Variants in TRPV1 observed in about 807,000 individuals in gnomAD.
TRPV1 encodes the protein OTRPC1.
A neutral mutation model predicts 82.3 loss-of-function variants in TRPV1; 82 were observed. That is an observed-to-expected ratio of 1.00 (90% CI 0.83 to 1.20). The LOEUF (loss-of-function observed/expected upper bound fraction) is 1.20, where lower values mean the gene tolerates loss of function less well. TRPV1 is among the 50% of genes most tolerant of loss of function. The pLI, the probability that TRPV1 is intolerant of heterozygous loss-of-function variation, is 0.00. For missense variants in TRPV1, 1,067 were observed against 1,096.8 expected, an observed-to-expected ratio of 0.97 and a Z score of 0.38; for synonymous variants, 515 against 467.7, an observed-to-expected ratio of 1.10 and a Z score of -1.30.
At position 3,589,985 on chromosome 17, in the gene TRPV1, A is replaced by G; in HGVS notation, c.866T>C (p.Leu289Pro). ...GTCGGCCACCTCCACCAGGGCGTGC[A>G]GCACCGTGTTGCCCACCGAGTCCCT... ...SARDSVGNTV[L>P]HALVEVADNT... Residue 289 changes from leucine (L) to proline (P), a missense_variant, in exon 7 of 17, where the codon CTG (leucine) becomes CCG (proline). Physicochemically the swap from Leu to Pro is moderately conservative, Grantham distance 98. Transcript: ENST00000572705. 1 of 1,560,954 alleles carries G rather than the reference A, an allele frequency of 6.4e-7. No individual in the cohort carries two copies. Among genetic ancestry groups the G allele is most frequent in the South Asian group, 1.2e-5 (1 of 85,160 alleles).
intron 13 of TRPV1, among the ~76,000 whole-genome samples, chr17:3,575,364 T>G (rs1343506839): frequency 6.6e-6 from 1 of 151,958 alleles, no homozygotes; most frequent in East Asian, 1.9e-4. Flanking sequence ...GCAGCTGTGA[T>G]CCCAGCTACC....
chr17:3,583,481 A>T, intron 9 of TRPV1, 51 bp from the exon 10 acceptor site: 3 of 1,401,040 alleles, frequency 2.1e-6, no homozygotes, highest in Non-Finnish European at 3.0e-6. Context: ...CGTTCATTCA[A>T]CAAACATGGA....
intron 2 of TRPV1, among the ~76,000 whole-genome samples, chr17:3,600,284 G>T (rs1409207595): frequency 6.6e-6 from 1 of 152,122 alleles, no homozygotes; most frequent in Non-Finnish European, 1.5e-5. Flanking sequence ...AGTGATTTCT[G>T]CCTCCAATAA....
chr17:3,608,010 T>A (rs1257607931), intron 2 of TRPV1, among the ~76,000 whole-genome samples: 1 of 151,668 alleles, frequency 6.6e-6, no homozygotes, highest in Non-Finnish European at 1.5e-5. Context: ...AGGTCAGGAG[T>A]TCGAGACCAG....
intron 2 of TRPV1, among the ~76,000 whole-genome samples, chr17:3,597,737 G>T (rs934517284): frequency 6.1e-5 from 9 of 147,710 alleles, no homozygotes; most frequent in African/African-American, 2.3e-4. Flanking sequence ...GCAATGGCGC[G>T]ATCTCAGCTC....
At chr17:3,588,943 G>T (rs2075118037) in intron 7 of TRPV1, 1 of 1,535,584 alleles carries the variant, frequency 6.5e-7, no homozygotes, top group African/African-American at 1.4e-5. Flanking sequence ...ATGAAGGACA[G>T]CGGTGGTCCA....
intron 12 of TRPV1, 144 bp from the exon 13 acceptor site, chr17:3,577,336 G>A: frequency 1.1e-6 from 1 of 943,030 alleles, no homozygotes; most frequent in Non-Finnish European, 1.6e-6. Context: ...GGGTCATGAG[G>A]GAGTCACCCA....
At chr17:3,586,859 C>T (rs62069906) in intron 8 of TRPV1, among the ~76,000 whole-genome samples, 34,577 of 152,038 alleles carry the variant, frequency 0.23, 4,078 homozygotes, top group Admixed American at 0.26. Flanking sequence ...CTCCCTCAGG[C>T]CATCGAGTCC....
At chr17:3,589,510 A>G (rs141380069) in intron 7 of TRPV1, among the ~76,000 whole-genome samples, 213 of 152,162 alleles carry the variant, frequency 1.4e-3, no homozygotes, top group Non-Finnish European at 2.9e-3. Flanking sequence ...CCCAACAGCT[A>G]TTCTTCTGTT....
At chr17:3,604,035 G>C (rs2075281568) in intron 2 of TRPV1, among the ~76,000 whole-genome samples, 1 of 152,244 alleles carries the variant, frequency 6.6e-6, no homozygotes, top group African/African-American at 2.4e-5. Flanking sequence ...CAGGCCAGGG[G>C]CTCTGGGGCC....
chr17:3,607,600 G>C (rs572193006), intron 2 of TRPV1, among the ~76,000 whole-genome samples: 1 of 148,940 alleles, frequency 6.7e-6, no homozygotes, highest in East Asian at 2.1e-4. Flanking sequence ...GCAGTGGTGC[G>C]ATCTCAGCTC....
chr17:3,568,301 G>A (rs867257899), intron 16 of TRPV1, among the ~76,000 whole-genome samples: 3 of 144,906 alleles, frequency 2.1e-5, no homozygotes, highest in African/African-American at 5.1e-5. Context: ...CAGCCTGGGT[G>A]ACAGAGCCAG....
At chr17:3,577,275 A>G in intron 12 of TRPV1, 83 bp from the exon 13 acceptor site, 1 of 1,444,602 alleles carries the variant, frequency 6.9e-7, no homozygotes, top group Admixed American at 2.0e-5. Flanking sequence ...CGGCCTGGGG[A>G]TGCGTCTTGA....
chr17:3,608,066 C>A (rs960594396), intron 2 of TRPV1, among the ~76,000 whole-genome samples: 1 of 151,862 alleles, frequency 6.6e-6, no homozygotes, highest in African/African-American at 2.4e-5. Flanking sequence ...ACTAAATTAG[C>A]CAGGCGTGGT....
At chr17:3,585,951 G>T (rs775645018) in intron 8 of TRPV1, 25 bp from the exon 9 acceptor site, 5 of 1,612,652 alleles carry the variant, frequency 3.1e-6, no homozygotes, top group Non-Finnish European at 4.2e-6. Flanking sequence ...GAGAAGTGAG[G>T]TTCCCTCCTG....
chr17:3,575,544 C>T (rs2074918772), intron 13 of TRPV1, among the ~76,000 whole-genome samples: 1 of 151,636 alleles, frequency 6.6e-6, no homozygotes, highest in Admixed American at 6.6e-5. Context: ...TCAGGTAAGA[C>T]TCATCAACGG....
chr17:3,598,722 C>T (rs552465274), intron 2 of TRPV1, among the ~76,000 whole-genome samples: 1 of 151,594 alleles, frequency 6.6e-6, no homozygotes, highest in Non-Finnish European at 1.5e-5. Context: ...CGTGCCACCA[C>T]GCCTGGCTAA....
chr17:3,588,113 C>A, intron 8 of TRPV1, 75 bp downstream of exon 8: 2 of 1,495,880 alleles, frequency 1.3e-6, no homozygotes, highest in South Asian at 1.3e-5. Flanking sequence ...CCAGCTGGAG[C>A]TGGACCAGGG....
intron 2 of TRPV1, among the ~76,000 whole-genome samples, chr17:3,606,271 T>C (rs572452007): frequency 6.6e-6 from 1 of 152,214 alleles, no homozygotes; most frequent in East Asian, 1.9e-4. Context: ...GGCGCTTACT[T>C]CTCTGTCCCA....
Sources: gnomAD v4.1 joint callset for allele counts (sites outside exome capture counted in the v4.1 genomes callset) on GRCh38, gnomAD v4.1.1 for gene constraint, MANE v1.5 for transcripts, NCBI Gene and HGNC (gene_info 2026-07-23, HGNC 2026-07-21) for gene names.